ZMYND15: variants seen among roughly 807,000 people sequenced by gnomAD.
ZMYND15 encodes zinc finger MYND domain-containing protein 15.
ZMYND15 carries 54 observed loss-of-function variants against 81.7 expected under a neutral mutation model. The ratio of observed to expected loss-of-function variants is 0.66; its 90% confidence interval spans 0.53 to 0.83. The LOEUF (loss-of-function observed/expected upper bound fraction) is 0.83. Ranked by LOEUF, ZMYND15 falls within the 40% of genes least tolerant of loss-of-function variation. ZMYND15 has a pLI of 0.00. For synonymous variants in ZMYND15, 399 were observed against 387.0 expected (o/e 1.03, Z -0.36); for missense variants, 925 against 973.5 (o/e 0.95, Z 0.66).
In ZMYND15 at chr17:4,744,069, C is replaced by T; in HGVS notation, c.1457C>T (p.Thr486Ile). 3.2e-6 allele frequency: 5 copies of T among 1,566,048 alleles called. No homozygotes were observed. Among genetic ancestry groups the T allele is most frequent in the Non-Finnish European group, 4.3e-6 (5 of 1,154,706 alleles). Residue 486 changes from threonine (T) to isoleucine (I), a missense_variant, in exon 8 of 14, where the codon ACC becomes ATC. By Grantham distance (89) the Thr-to-Ile change is moderately conservative. Transcript: ENST00000433935. The surrounding 1 kb of genome is among the most constrained non-coding windows in gnomAD (Gnocchi z 4.1). ...GCCGTGCTTCTCACCTACCCGCTGA[C>T]CGTGTACTACGTCATCACCCACCTG... ...PIAVLLTYPL[T>I]VYYVITHLVP...
rs1916584318 is a variant in ZMYND15 at position 4,744,668 on chromosome 17, C to T, written c.1727C>T (p.Ala576Val). The change falls in exon 11 of 14, where the codon GCA becomes GTA. Residue 576 changes from alanine (A) to valine (V), a missense_variant. Physicochemically the swap from Ala to Val is moderately conservative, Grantham distance 64. Coordinates refer to ENST00000433935, the MANE Select transcript of ZMYND15 (RefSeq NM_001136046.3). The surrounding 1 kb of genome is among the most constrained non-coding windows in gnomAD (Gnocchi z 4.1). ...VSVRPGSGIS[A>V]RPSSGTKEKG... ...GTCCGGCCTGGTTCCGGCATATCAGCACGGCCCAGCTCTGGCACTAAGGAG... is the reference window on the plus strand; with the variant it reads ...GTCCGGCCTGGTTCCGGCATATCAGTACGGCCCAGCTCTGGCACTAAGGAG... 6.2e-7 allele frequency: 1 copy of T among 1,613,534 alleles called. No homozygotes were observed. The highest frequency in any genetic ancestry group is 1.7e-5 in the Admixed American group (1 of 59,996).
At chr17:4,740,459 C>G in intron 1 of ZMYND15, 60 bp from the exon 2 acceptor site, 1 of 1,445,716 alleles carries the variant, frequency 6.9e-7, no homozygotes, top group Non-Finnish European at 9.1e-7. Context: ...ATTTGTGACC[C>G]AGCCCCAAAC....
chr17:4,744,098 C>T lies in ZMYND15; in HGVS notation c.1486C>T (p.Pro496Ser). The T allele has an allele frequency of 6.3e-7, 1 of 1,593,688 alleles. No homozygotes were observed. Among genetic ancestry groups the T allele is most frequent in the Non-Finnish European group, 8.5e-7 (1 of 1,169,826 alleles). ...TVYYVITHLV[P>S]QSFPELNIQN... is the part of the protein sequence containing the mutation. The stretch of plus-strand genomic sequence containing the variant: ...GTACTACGTCATCACCCACCTGGTG[C>T]CCCAGTCCTGTAAGGAGAGCGGAGT... The change falls in exon 8 of 14, where the codon CCC becomes TCC. Residue 496 changes from proline (P) to serine (S), a missense_variant. Transcript: ENST00000433935. This position sits in a 1 kb window ranked among gnomAD's most constrained non-coding sequence, Gnocchi z 4.1.
chr17:4,740,926 G>A lies in ZMYND15; in HGVS notation c.378G>A (p.Glu126=), dbSNP rs191486131. The stretch of plus-strand genomic sequence containing the variant: ...AAGAGGAGGAAGATGAAGAAGAAGA[G>A]AAGAGAGAGGACGGGGGTGCAGGCA... ...EEEEEEDEEE[E]KREDGGAGST... is the part of the protein sequence containing the mutation. The change falls in exon 2 of 14, where the codon GAG becomes GAA. Residue 126 remains glutamate (E), a synonymous_variant. Transcript: ENST00000433935. 13 of 1,582,014 alleles carry A rather than the reference G, an allele frequency of 8.2e-6. No individual in the cohort carries two copies. The East Asian group carries it at 2.3e-4, about 28-fold the overall frequency.
Position 4,743,732 on chromosome 17 carries a change from C to G in ZMYND15, c.1298-35C>G. 6.3e-7 allele frequency: 1 copy of G among 1,590,858 alleles called. No individual in the cohort carries two copies. The highest frequency in any genetic ancestry group is 8.6e-7 in the Non-Finnish European group (1 of 1,167,360). ...AGAGATGGGTCAGGTGGGGGTCTCC[C>G]TGACCCCAGGCCCCTCCTTCTTTCA... is the stretch of plus-strand genomic sequence containing the variant. On this transcript the variant is annotated intron_variant, in intron 6 of 13. Transcript: ENST00000433935. This position sits in a 1 kb window ranked among gnomAD's most constrained non-coding sequence, Gnocchi z 4.3.
Position 4,742,001 on chromosome 17 carries a change from T to C in ZMYND15, c.914T>C (p.Phe305Ser), listed in dbSNP as rs1916443881. 1 of 1,614,196 alleles carries C rather than the reference T, an allele frequency of 6.2e-7. No individual in the cohort carries two copies. The highest frequency in any genetic ancestry group is 8.5e-7 in the Non-Finnish European group (1 of 1,180,040). The change falls in exon 4 of 14, where the codon TTT becomes TCT. Residue 305 changes from phenylalanine to serine, a missense_variant. Coordinates refer to ENST00000433935, the MANE Select transcript of ZMYND15 (RefSeq NM_001136046.3). ...RTWGPRPGFT[F>S]ASLRARTCHV... is the part of the protein sequence containing the mutation. The stretch of plus-strand genomic sequence containing the variant: ...TGGGGTCCCCGGCCAGGCTTCACCT[T>C]TGCTTCCCTTCGTGCTCGAACCTGC...
In ZMYND15 at chr17:4,741,546, GC is replaced by G. The variant is rs781278765; in HGVS notation, c.593-31del. Reference sequence around the variant, plus strand: ...ACCCTGACCACATTTGTCTCTCGCTGCCCCCTACCACCTCAACTTTTCCCTC... The same window carrying G: ...ACCCTGACCACATTTGTCTCTCGCTGCCCCTACCACCTCAACTTTTCCCTC... On this transcript the variant is annotated intron_variant, in intron 2 of 13. Coordinates refer to ENST00000433935, the MANE Select transcript of ZMYND15 (RefSeq NM_001136046.3). 4.3e-6 allele frequency: 7 copies of G among 1,610,558 alleles called. No homozygotes were observed. The South Asian group carries it at 5.5e-5, about 13-fold the overall frequency.
Position 4,744,261 on chromosome 17 carries a change from C to T in ZMYND15, c.1567C>T (p.Leu523Phe), listed in dbSNP as rs1173714700. 6.2e-7 allele frequency: 1 copy of T among 1,614,066 alleles called. No homozygotes were observed. The highest frequency in any genetic ancestry group is 8.5e-7 in the Non-Finnish European group (1 of 1,180,000). The change falls in exon 9 of 14, where the codon CTT (leucine) becomes TTT (phenylalanine). Residue 523 changes from leucine to phenylalanine, a missense_variant. Physicochemically the swap from Leu to Phe is conservative, Grantham distance 22. Transcript: ENST00000433935. The surrounding 1 kb of genome is among the most constrained non-coding windows in gnomAD (Gnocchi z 4.1). Reference protein sequence around the residue: ...HVVEAGKEFDLVMVFWELLVL... With the variant: ...HVVEAGKEFDFVMVFWELLVL... ...GGTGGAGGCCGGGAAGGAGTTTGAC[C>T]TTGTCATGGTGTTTTGGGTAAGTCA...
Position 4,745,768 on chromosome 17 carries a change from C to A in ZMYND15, c.2058-51C>A. ...GAGCCCCGACCCCTGGGAGCGCCGA[C>A]CCCTGGGAGTCCCGCCCCGTGGTCC... On this transcript the variant is annotated intron_variant, in intron 13 of 13. Transcript: ENST00000433935. This position sits in a 1 kb window ranked among gnomAD's most constrained non-coding sequence, Gnocchi z 5.2. 1 of 1,499,850 alleles carries A rather than the reference C, an allele frequency of 6.7e-7. No individual in the cohort carries two copies. The highest frequency in any genetic ancestry group is 9.0e-7 in the Non-Finnish European group (1 of 1,113,524). The allele number at this position is 1,499,850 out of a possible 1,614,324, so 92.9% of individuals were successfully genotyped here. A position where few individuals can be genotyped will look rare whatever the true frequency, so the allele number is the denominator to read the frequency against.
At position 4,741,895 on chromosome 17, in the gene ZMYND15, T is replaced by TC. The variant is rs771804436; in HGVS notation, c.828-13dup. On this transcript the variant is annotated intron_variant, in intron 3 of 13. Transcript: ENST00000433935. ...GCACCTCCTCCAGCCTGATGCCATCTCCCCCCCAACTGCATTTAGAGAGCT... is the reference window on the plus strand; with the variant it reads ...GCACCTCCTCCAGCCTGATGCCATCTCCCCCCCCAACTGCATTTAGAGAGCT... 4.8e-5 allele frequency: 78 copies of TC among 1,608,578 alleles called. No homozygotes were observed. The highest frequency in any genetic ancestry group is 5.3e-5 in the Non-Finnish European group (62 of 1,176,298).
chr17:4,743,222 G>A lies in ZMYND15; in HGVS notation c.1145-81G>A. ...CCACTGCACTCTAGCTTGGGTGATAGAGCAAGACTCTGTCTCAAAAAAAAA... is the reference window on the plus strand; with the variant it reads ...CCACTGCACTCTAGCTTGGGTGATAAAGCAAGACTCTGTCTCAAAAAAAAA... On this transcript the variant is annotated intron_variant, in intron 5 of 13. Coordinates refer to ENST00000433935, the MANE Select transcript of ZMYND15 (RefSeq NM_001136046.3). The surrounding 1 kb of genome is among the most constrained non-coding windows in gnomAD (Gnocchi z 4.3). 1 of 1,423,736 alleles carries A rather than the reference G, an allele frequency of 7.0e-7. No individual in the cohort carries two copies. The highest frequency in any genetic ancestry group is 9.5e-7 in the Non-Finnish European group (1 of 1,055,562). The allele number at this position is 1,423,736 out of a possible 1,614,324, so 88.2% of individuals were successfully genotyped here. A position where few individuals can be genotyped will look rare whatever the true frequency, so the allele number is the denominator to read the frequency against.
chr17:4,741,073 G>C lies in ZMYND15; in HGVS notation c.525G>C (p.Lys175Asn). The change falls in exon 2 of 14, where the codon AAG becomes AAC. Residue 175 changes from lysine to asparagine, a missense_variant. Coordinates refer to ENST00000433935, the MANE Select transcript of ZMYND15 (RefSeq NM_001136046.3). ...EEAAREAGGGKDGCREDRVEN... is the reference protein window; with the variant it reads ...EEAAREAGGGNDGCREDRVEN... ...CTGCCCGGGAGGCAGGAGGTGGCAAGGATGGCTGCCGAGAGGACAGGGTGG... is the reference window on the plus strand; with the variant it reads ...CTGCCCGGGAGGCAGGAGGTGGCAACGATGGCTGCCGAGAGGACAGGGTGG... 6.5e-7 allele frequency: 1 copy of C among 1,546,026 alleles called. No individual in the cohort carries two copies. Among genetic ancestry groups the C allele is most frequent in the East Asian group, 2.4e-5 (1 of 40,978 alleles).
Position 4,745,933 on chromosome 17 carries a change from C to G in ZMYND15, c.2172C>G (p.Pro724=). ...PSPTPSAPPA[P]TRRRRGEKKP... The stretch of plus-strand genomic sequence containing the variant: ...CAACTCCCTCTGCTCCTCCTGCCCC[C>G]ACCCGAAGGCGCCGAGGAGAAAAGA... The change falls in exon 14 of 14, where the codon CCC becomes CCG. Residue 724 remains proline (P), a synonymous_variant. Coordinates refer to ENST00000433935, the MANE Select transcript of ZMYND15 (RefSeq NM_001136046.3). The surrounding 1 kb of genome is among the most constrained non-coding windows in gnomAD (Gnocchi z 5.2). 1.2e-5 allele frequency: 18 copies of G among 1,489,000 alleles called. No individual in the cohort carries two copies. Among genetic ancestry groups the G allele is most frequent in the Non-Finnish European group, 1.5e-5 (17 of 1,124,376 alleles). 92.2% of individuals were successfully genotyped at this position (1,489,000 alleles called of 1,614,324 possible).
At position 4,742,580 on chromosome 17, in the gene ZMYND15, T is replaced by G. The variant is rs551403383; in HGVS notation, c.1144+89T>G. ...GATGTCTGGGAACAGGGTCCTGCAG[T>G]TGAAGGCTGAGTGTCTGGGGCTAGA... On this transcript the variant is annotated intron_variant, in intron 5 of 13. Transcript: ENST00000433935. 82 of 1,525,164 alleles carry G rather than the reference T, an allele frequency of 5.4e-5. No individual in the cohort carries two copies. In the African/African-American group the frequency reaches 9.0e-4, roughly 17 times the overall value. The allele number at this position is 1,525,164 out of a possible 1,614,324, so 94.5% of individuals were successfully genotyped here. A position where few individuals can be genotyped will look rare whatever the true frequency, so the allele number is the denominator to read the frequency against.
Position 4,745,315 on chromosome 17 carries a change from C to T in ZMYND15, c.1997C>T (p.Pro666Leu). 6.2e-7 allele frequency: 1 copy of T among 1,613,064 alleles called. No individual in the cohort carries two copies. Among genetic ancestry groups the T allele is most frequent in the East Asian group, 2.2e-5 (1 of 44,864 alleles). Residue 666 changes from proline (P) to leucine (L), a missense_variant, in exon 13 of 14, where the codon CCC becomes CTC. Physicochemically the swap from Pro to Leu is moderately conservative, Grantham distance 98. Coordinates refer to ENST00000433935, the MANE Select transcript of ZMYND15 (RefSeq NM_001136046.3). This position sits in a 1 kb window ranked among gnomAD's most constrained non-coding sequence, Gnocchi z 5.2. ...AVATGGGTSP[P>L]QPNPFRSPFR... is the part of the protein sequence containing the mutation. ...GCCACTGGAGGGGGCACCAGCCCTC[C>T]CCAGCCCAACCCCTTCCGCTCCCCC...
chr17:4,741,239 AATCTGGCCT>A (rs1284867756), intron 2 of ZMYND15, 99 bp downstream of exon 2: 4 of 1,322,176 alleles, frequency 3.0e-6, no homozygotes, highest in Non-Finnish European at 2.9e-6. Flanking sequence ...CCTTCAGGCC[AATCTGGCCT>A]GAAAAGGTGT....
chr17:4,740,935 G>A lies in ZMYND15; in HGVS notation c.387G>A (p.Glu129=), dbSNP rs1916375783. The change falls in exon 2 of 14, where the codon GAG becomes GAA. Residue 129 remains glutamate, a synonymous_variant. Transcript: ENST00000433935. ...EEEDEEEEKR[E]DGGAGSTEKV... is the part of the protein sequence containing the mutation. The stretch of plus-strand genomic sequence containing the variant: ...AAGATGAAGAAGAAGAGAAGAGAGA[G>A]GACGGGGGTGCAGGCAGCACAGAGA... 1.3e-6 allele frequency: 2 copies of A among 1,581,942 alleles called. No individual in the cohort carries two copies. Among genetic ancestry groups the A allele is most frequent in the Non-Finnish European group, 8.6e-7 (1 of 1,163,014 alleles).
chr17:4,741,068 G>A lies in ZMYND15; in HGVS notation c.520G>A (p.Gly174Ser). Residue 174 changes from glycine to serine, a missense_variant, in exon 2 of 14, where the codon GGC (glycine) becomes AGC (serine). Coordinates refer to ENST00000433935, the MANE Select transcript of ZMYND15 (RefSeq NM_001136046.3). ...SEEAAREAGG[G>S]KDGCREDRVE... ...GGAGGCTGCCCGGGAGGCAGGAGGT[G>A]GCAAGGATGGCTGCCGAGAGGACAG... is the stretch of plus-strand genomic sequence containing the variant. 1 of 1,546,398 alleles carries A rather than the reference G, an allele frequency of 6.5e-7. No homozygotes were observed. The highest frequency in any genetic ancestry group is 1.2e-5 in the South Asian group (1 of 83,476).
Position 4,744,163 on chromosome 17 carries a change from T to C in ZMYND15, c.1496-27T>C. 6.2e-7 allele frequency: 1 copy of C among 1,613,712 alleles called. No homozygotes were observed. The highest frequency in any genetic ancestry group is 8.5e-7 in the Non-Finnish European group (1 of 1,179,810). ...GATGGGGGAGTGAGAGTGGACCACA[T>C]CCTTAAAGCGCTGGTTTTTCACCCA... On this transcript the variant is annotated intron_variant, in intron 8 of 13. Coordinates refer to ENST00000433935, the MANE Select transcript of ZMYND15 (RefSeq NM_001136046.3). The surrounding 1 kb of genome is among the most constrained non-coding windows in gnomAD (Gnocchi z 4.1).
Sources: gnomAD v4.1 joint callset for allele counts on GRCh38, gnomAD v4.1.1 for gene constraint, Gnocchi (gnomAD v3.1) non-coding constraint, MANE v1.5 for transcripts, NCBI Gene and HGNC (gene_info 2026-07-23, HGNC 2026-07-21) for gene names.